Variants in CTNNA2 observed in about 807,000 individuals in gnomAD.
CTNNA2 encodes the protein catenin alpha-2.
Under a neutral mutation model 101.0 loss-of-function variants are expected in CTNNA2, and 42 were observed. The observed-to-expected ratio is 0.42, with a 90% CI of 0.32 to 0.54. The LOEUF is 0.54. CTNNA2 is among the 20% of genes least tolerant of loss of function. The probability of loss-of-function intolerance (pLI) is 0.14; values close to 1 mark genes in which losing one functional copy is unlikely to be tolerated. For synonymous variants in CTNNA2, 450 were observed against 456.4 expected, an observed-to-expected ratio of 0.99 and a Z score of 0.18; for missense variants, 871 against 1,223.1, an observed-to-expected ratio of 0.71 and a Z score of 4.29.
At chr2:80,478,618 A>G (rs1207329210) in intron 9 of CTNNA2, among the ~76,000 whole-genome samples, 1 of 152,050 alleles carries the variant, frequency 6.6e-6, no homozygotes, top group Non-Finnish European at 1.5e-5. Flanking sequence ...TCCCAGCACT[A>G]TTTGTTGAAT....
intron 8 of CTNNA2, among the ~76,000 whole-genome samples, chr2:80,411,211 G>A (rs1417705161): frequency 6.6e-6 from 1 of 152,140 alleles, no homozygotes; most frequent in South Asian, 2.1e-4. Context: ...ATAAGAAAAT[G>A]GTTACATTAG....
At chr2:79,392,449 C>T (rs768315770) in intron 4 of CTNNA2, among the ~76,000 whole-genome samples, 1 of 152,128 alleles carries the variant, frequency 6.6e-6, no homozygotes, top group Non-Finnish European at 1.5e-5. Context: ...TCCATGGTTA[C>T]TATTTTTTGA....
intron 2 of CTNNA2, among the ~76,000 whole-genome samples, chr2:79,240,412 C>T (rs1185967546): frequency 1.3e-5 from 2 of 151,946 alleles, no homozygotes; most frequent in Non-Finnish European, 2.9e-5. Flanking sequence ...CTGTTCTTCC[C>T]TTCTTTGCGT....
chr2:80,092,430 T>G (rs1445566177), intron 7 of CTNNA2, among the ~76,000 whole-genome samples: 1 of 152,118 alleles, frequency 6.6e-6, no homozygotes, highest in East Asian at 1.9e-4. Context: ...CTTGAAGCTT[T>G]CCCATGTTCT....
At chr2:79,783,963 T>C (rs1389892747) in intron 3 of CTNNA2, among the ~76,000 whole-genome samples, 1 of 152,250 alleles carries the variant, frequency 6.6e-6, no homozygotes, top group Non-Finnish European at 1.5e-5. Context: ...CTATGTATTT[T>C]GAAGTTCTGG....
intron 1 of CTNNA2, among the ~76,000 whole-genome samples, chr2:79,516,173 A>G (rs1268794221): frequency 1.3e-5 from 2 of 152,208 alleles, no homozygotes; most frequent in South Asian, 4.1e-4. Flanking sequence ...TGAAAATTGT[A>G]AGGGACTCTG....
chr2:80,472,983 C>T (rs1018272620), intron 9 of CTNNA2, among the ~76,000 whole-genome samples: 9 of 152,178 alleles, frequency 5.9e-5, no homozygotes, highest in African/African-American at 2.2e-4. Context: ...ACTGTGCCCA[C>T]TTGTCTGCTG....
At chr2:80,423,320 A>G (rs1680699697) in intron 9 of CTNNA2, among the ~76,000 whole-genome samples, 1 of 152,158 alleles carries the variant, frequency 6.6e-6, no homozygotes, top group South Asian at 2.1e-4. Context: ...ATTTAAGGAT[A>G]TAAATTTCCC....
intron 7 of CTNNA2, among the ~76,000 whole-genome samples, chr2:80,062,983 G>C (rs1697713575): frequency 6.6e-6 from 1 of 152,166 alleles, no homozygotes; most frequent in African/African-American, 2.4e-5. Context: ...GGGATTACAG[G>C]CGTGAGCCAC....
chr2:79,845,143 C>T (rs1195678197), intron 3 of CTNNA2, among the ~76,000 whole-genome samples: 1 of 147,438 alleles, frequency 6.8e-6, no homozygotes, highest in African/African-American at 2.5e-5. Flanking sequence ...CCTACATACT[C>T]ATGATTCCCA....
At chr2:80,174,178 T>C (rs1705251361) in intron 7 of CTNNA2, among the ~76,000 whole-genome samples, 1 of 152,202 alleles carries the variant, frequency 6.6e-6, no homozygotes, top group Non-Finnish European at 1.5e-5. Flanking sequence ...CCTTATCCGA[T>C]AGATAAGTAG....
intron 4 of CTNNA2, among the ~76,000 whole-genome samples, chr2:79,412,151 C>T (rs1013214787): frequency 2.6e-5 from 4 of 152,082 alleles, no homozygotes; most frequent in South Asian, 2.1e-4. Flanking sequence ...ACAAAGAAGG[C>T]CATTACAGAA....
At chr2:79,289,049 A>G (rs1184552133) in intron 2 of CTNNA2, among the ~76,000 whole-genome samples, 1 of 152,228 alleles carries the variant, frequency 6.6e-6, no homozygotes, top group South Asian at 2.1e-4. Context: ...ATAGAATTTT[A>G]GGGTATGTGA....
chr2:80,444,246 C>T (rs1482909523), intron 9 of CTNNA2, among the ~76,000 whole-genome samples: 1 of 152,094 alleles, frequency 6.6e-6, no homozygotes, highest in Non-Finnish European at 1.5e-5. Flanking sequence ...ACTGCATTCA[C>T]AAGAGGCTTT....
chr2:80,554,400 A>G (rs1420684162), intron 11 of CTNNA2, among the ~76,000 whole-genome samples: 4 of 152,220 alleles, frequency 2.6e-5, no homozygotes, highest in Admixed American at 2.6e-4. Context: ...TATCAAAAGC[A>G]CATATTTTTA....
intron 2 of CTNNA2, among the ~76,000 whole-genome samples, chr2:79,240,107 C>T (rs980277164): frequency 6.6e-6 from 1 of 151,854 alleles, no homozygotes; most frequent in Non-Finnish European, 1.5e-5. Flanking sequence ...GGGGTTTCTC[C>T]ATGTTGGTCA....
intron 3 of CTNNA2, among the ~76,000 whole-genome samples, chr2:79,823,761 G>A (rs938328784): frequency 6.6e-6 from 1 of 151,958 alleles, no homozygotes; most frequent in East Asian, 1.9e-4. Context: ...ATTGGTAATA[G>A]AAAATGACGT....
intron 4 of CTNNA2, among the ~76,000 whole-genome samples, chr2:79,416,582 T>TA (rs1678485570): frequency 6.6e-6 from 1 of 152,124 alleles, no homozygotes; most frequent in Non-Finnish European, 1.5e-5. Context: ...AATCATTGTA[T>TA]ACTCATTCAT....
Position 80,455,919 on chromosome 2 carries a change from TG to T in CTNNA2, c.1290+36319del, listed in dbSNP as rs1683940255. Reference sequence around the variant, plus strand: ...GATTACCTGAGACACAGAGTGGTTATGTCACCTGAGGAAGGTCACATGGCTG... The same window carrying T: ...GATTACCTGAGACACAGAGTGGTTATTCACCTGAGGAAGGTCACATGGCTG... On this transcript the variant is annotated intron_variant, in intron 9 of 18. Coordinates refer to ENST00000402739, the MANE Select transcript of CTNNA2 (RefSeq NM_001282597.3). Among the ~76,000 whole-genome samples, 4 of 152,210 alleles carry T rather than the reference TG, an allele frequency of 2.6e-5. No individual in the cohort carries two copies. In the South Asian group the frequency reaches 8.3e-4, roughly 31 times the overall value.
Sources: allele counts gnomAD v4.1 joint callset (sites outside exome capture counted in the v4.1 genomes callset), GRCh38; gene constraint gnomAD v4.1.1; transcripts MANE v1.5; gene names NCBI Gene and HGNC (gene_info 2026-07-23, HGNC 2026-07-21).